Variants in TMOD1 observed in about 807,000 individuals in gnomAD.
TMOD1 encodes the protein tropomodulin-1.
Under a neutral mutation model 40.6 loss-of-function variants are expected in TMOD1, and 17 were observed. The ratio of observed to expected loss-of-function variants is 0.42; its 90% CI spans 0.29 to 0.63. The LOEUF is 0.63. TMOD1 is among the 20% of genes least tolerant of loss of function. The pLI, the probability that TMOD1 is intolerant of heterozygous loss-of-function variation, is 0.22. For synonymous variants in TMOD1, 181 were observed against 175.0 expected (o/e 1.03, Z -0.27); for missense variants, 391 against 447.6 (o/e 0.87, Z 1.14).
chr9:97,525,057 T>G (rs1829988992), intron 2 of TMOD1, among the ~76,000 whole-genome samples: 1 of 151,878 alleles, frequency 6.6e-6, no homozygotes, highest in Non-Finnish European at 1.5e-5. Context: ...CATATACATC[T>G]CTTTAAACCA....
At chr9:97,550,667 C>A (rs568843373) in intron 3 of TMOD1, among the ~76,000 whole-genome samples, 1 of 152,098 alleles carries the variant, frequency 6.6e-6, no homozygotes, top group African/African-American at 2.4e-5. Context: ...ATATGTATAT[C>A]CTCTTTGGAG....
intron 3 of TMOD1, 114 bp downstream of exon 3, chr9:97,546,455 G>A: frequency 8.8e-7 from 1 of 1,141,710 alleles, no homozygotes; most frequent in African/African-American, 1.6e-5. Flanking sequence ...GGGCCTCCTT[G>A]TCCTCATCCC....
At chr9:97,581,216 T>A (rs1825745935) in intron 8 of TMOD1, among the ~76,000 whole-genome samples, 2 of 133,496 alleles carry the variant, frequency 1.5e-5, no homozygotes, top group South Asian at 2.5e-4. Context: ...CATTGTTCAA[T>A]TCCCACCTAT....
At chr9:97,591,872 G>A (rs1826009796) in intron 9 of TMOD1, among the ~76,000 whole-genome samples, 1 of 152,124 alleles carries the variant, frequency 6.6e-6, no homozygotes, top group Non-Finnish European at 1.5e-5. Flanking sequence ...GAGCCTAGGA[G>A]ACTTCACATT....
intron 4 of TMOD1, chr9:97,555,708 C>G (rs1335622882): frequency 1.3e-6 from 2 of 1,544,170 alleles, no homozygotes; most frequent in East Asian, 2.4e-5. Flanking sequence ...GTCCCAGGTT[C>G]TATGTGAGTT....
In TMOD1 at chr9:97,559,771, T is replaced by TA. The variant is rs1830589569; in HGVS notation, c.398-2961_398-2960insA. Among the ~76,000 whole-genome samples the TA allele has an allele frequency of 2.1e-4, 13 of 63,350 alleles. 1 individual carries two copies. Among genetic ancestry groups the TA allele is most frequent in the East Asian group, 9.3e-4 (2 of 2,162 alleles). The allele number at this position is 63,350 out of a possible 152,430, so 41.6% of individuals were successfully genotyped here. A position where few individuals can be genotyped will look rare whatever the true frequency, so the allele number is the denominator to read the frequency against. Reference sequence around the variant, plus strand: ...CAGAGCGAGACTCCGCCTCAAAAATTTAAAAAAAAAAAAAAAAAAAAAAAT... The same window carrying TA: ...CAGAGCGAGACTCCGCCTCAAAAATTATAAAAAAAAAAAAAAAAAAAAAAAT... On this transcript the variant is annotated intron_variant, in intron 4 of 9. Transcript: ENST00000259365.
chr9:97,590,205 C>CT (rs1170941660), intron 8 of TMOD1, among the ~76,000 whole-genome samples: 3 of 150,360 alleles, frequency 2.0e-5, no homozygotes, highest in South Asian at 2.1e-4. Flanking sequence ...TCTATGAATT[C>CT]TTTTTTTTTC....
intron 1 of TMOD1, among the ~76,000 whole-genome samples, chr9:97,505,763 G>T (rs1236879519): frequency 6.6e-6 from 1 of 152,080 alleles, no homozygotes; most frequent in African/African-American, 2.4e-5. Context: ...ACCAAGTCCT[G>T]TCAATGCTAC....
chr9:97,597,994 A>AT lies in TMOD1; in HGVS notation c.1016-1640_1016-1639insT, dbSNP rs1290983002. ...CCCTACCCACACAAGGCTCAAGTCT[A>AT]CTGAGGGAGGCACTGGACTGAGGCT... On this transcript the variant is annotated intron_variant, in intron 9 of 9. Transcript: ENST00000259365. 2.0e-5 allele frequency among the ~76,000 whole-genome samples: 3 copies of AT among 152,130 alleles called. No individual in the cohort carries two copies. In the East Asian group the frequency reaches 5.8e-4, roughly 30 times the overall value.
chr9:97,509,233 CATCTGTAAA>C (rs1441573868), intron 1 of TMOD1, among the ~76,000 whole-genome samples: 3 of 152,192 alleles, frequency 2.0e-5, no homozygotes, highest in Non-Finnish European at 4.4e-5. Context: ...TGCACTTCTT[CATCTGTAAA>C]ATGGGGATAA....
Position 97,513,073 on chromosome 9 carries a change from G to C in TMOD1, c.-48-11068G>C, listed in dbSNP as rs958149756. 2 of 152,176 alleles carry C rather than the reference G, an allele frequency of 1.3e-5. No individual in the cohort carries two copies. Among genetic ancestry groups the C allele is most frequent in the Admixed American group, 6.5e-5 (1 of 15,278 alleles). 9.4% of individuals were successfully genotyped at this position (152,176 alleles called of 1,614,324 possible). ...TTGGCACTACACTTTTATTACAGCA[G>C]CTAAGGTCTCACCATGGCTTTGGGG... On this transcript the variant is annotated intron_variant, in intron 1 of 9. Coordinates refer to ENST00000259365, the MANE Select transcript of TMOD1 (RefSeq NM_003275.4). This position sits in a 1 kb window ranked among gnomAD's most constrained non-coding sequence, Gnocchi z 4.1.
chr9:97,596,031 A>G (rs1826103229), intron 9 of TMOD1, among the ~76,000 whole-genome samples: 1 of 151,880 alleles, frequency 6.6e-6, no homozygotes, highest in East Asian at 1.9e-4. Flanking sequence ...CCAAGACCAC[A>G]CCATTGCACT....
intron 1 of TMOD1, among the ~76,000 whole-genome samples, chr9:97,520,941 G>A (rs1016390017): frequency 1.3e-5 from 2 of 152,118 alleles, no homozygotes; most frequent in African/African-American, 4.8e-5. Flanking sequence ...CCCTCGGCCT[G>A]GCTGGTCCAT....
intron 1 of TMOD1, among the ~76,000 whole-genome samples, chr9:97,505,021 T>A (rs2131202478): frequency 6.6e-6 from 1 of 152,338 alleles, no homozygotes; most frequent in East Asian, 1.9e-4. Flanking sequence ...TCTTTTGTTT[T>A]GTTTTGTAAA....
chr9:97,599,234 CCAGA>C (rs1270067545), intron 9 of TMOD1, among the ~76,000 whole-genome samples: 5 of 152,190 alleles, frequency 3.3e-5, no homozygotes, highest in Non-Finnish European at 5.9e-5. Flanking sequence ...CCAGGAGCTC[CCAGA>C]CATAGCTGGG....
At chr9:97,512,130 C>G (rs1159280741) in intron 1 of TMOD1, among the ~76,000 whole-genome samples, 1 of 152,066 alleles carries the variant, frequency 6.6e-6, no homozygotes, top group East Asian at 1.9e-4. Context: ...AAAGAGAAGG[C>G]CTAATTCACA....
intron 3 of TMOD1, among the ~76,000 whole-genome samples, chr9:97,549,792 G>T (rs528193708): frequency 6.6e-6 from 1 of 151,940 alleles, no homozygotes; most frequent in Non-Finnish European, 1.5e-5. Flanking sequence ...TCACCACTAT[G>T]ACCCTGGTAT....
At chr9:97,524,396 T>C in intron 2 of TMOD1, 88 bp downstream of exon 2, 2 of 1,478,304 alleles carry the variant, frequency 1.4e-6, no homozygotes, top group South Asian at 1.3e-5. Flanking sequence ...CACCACTTCC[T>C]TTTTCCTTCC....
chr9:97,525,088 A>G (rs1829989886), intron 2 of TMOD1, among the ~76,000 whole-genome samples: 2 of 137,190 alleles, frequency 1.5e-5, no homozygotes, highest in South Asian at 4.1e-4. Context: ...CCAAATAAAG[A>G]CAGTAACGAT....
Sources: gnomAD v4.1 joint callset for allele counts (sites outside exome capture counted in the v4.1 genomes callset) on GRCh38, gnomAD v4.1.1 for gene constraint, Gnocchi (gnomAD v3.1) non-coding constraint, MANE v1.5 for transcripts, NCBI Gene and HGNC (gene_info 2026-07-23, HGNC 2026-07-21) for gene names.